Variants in C1QTNF3 observed in about 807,000 individuals in gnomAD.
C1QTNF3 encodes complement C1q tumor necrosis factor-related protein 3.
A neutral mutation model predicts 32.6 loss-of-function variants in C1QTNF3; 26 were observed. The observed-to-expected ratio is 0.80, with a 90% CI of 0.58 to 1.11. The LOEUF (loss-of-function observed/expected upper bound fraction) is 1.11. Among genes scored for constraint, C1QTNF3 ranks in the 50% least tolerant of loss-of-function variants. The pLI is 0.00. For synonymous variants in C1QTNF3, 155 were observed against 146.0 expected, an observed-to-expected ratio of 1.06 and a Z score of -0.44; for missense variants, 362 against 398.2, an observed-to-expected ratio of 0.91 and a Z score of 0.77.
the C1QTNF3 span, chr5:34,175,802 T>G: frequency 1.3e-6 from 1 of 746,044 alleles, no homozygotes; most frequent in African/African-American, 1.7e-5. Context: ...CATTATCCCA[T>G]GCGCTAAACT....
chr5:34,105,035 T>C, the C1QTNF3 span, among the ~76,000 whole-genome samples: 6 of 152,228 alleles, frequency 3.9e-5, no homozygotes, highest in Non-Finnish European at 2.9e-5. Context: ...TTTTTCCTAA[T>C]TACACTTTCT....
At chr5:34,195,626 G>A in the C1QTNF3 span, among the ~76,000 whole-genome samples, 9 of 152,216 alleles carry the variant, frequency 5.9e-5, no homozygotes, top group African/African-American at 4.8e-5. Context: ...TGGATCACGA[G>A]GTCAGGAGAT....
the C1QTNF3 span, among the ~76,000 whole-genome samples, chr5:34,170,724 GTGA>G: frequency 6.6e-6 from 1 of 152,026 alleles, no homozygotes; most frequent in Admixed American, 6.6e-5. Flanking sequence ...ATTTCCTACG[GTGA>G]TAACATCTCT....
At chr5:34,110,545 A>G in the C1QTNF3 span, among the ~76,000 whole-genome samples, 1 of 151,114 alleles carries the variant, frequency 6.6e-6, no homozygotes, top group African/African-American at 2.4e-5. Context: ...TAGCAACTAT[A>G]TATTACTTAA....
the C1QTNF3 span, among the ~76,000 whole-genome samples, chr5:34,164,164 C>T: frequency 6.6e-6 from 1 of 151,986 alleles, no homozygotes; most frequent in Non-Finnish European, 1.5e-5. Flanking sequence ...AGTGAGTTGG[C>T]AGGTGGTTAA....
chr5:34,031,691 C>A (rs533176124), intron 3 of C1QTNF3, among the ~76,000 whole-genome samples: 1 of 152,020 alleles, frequency 6.6e-6, no homozygotes, highest in Non-Finnish European at 1.5e-5. Flanking sequence ...AAAAATTAGC[C>A]GGGCATGGTG....
chr5:34,111,827 A>C, the C1QTNF3 span, among the ~76,000 whole-genome samples: 1 of 152,296 alleles, frequency 6.6e-6, no homozygotes, highest in African/African-American at 2.4e-5. Flanking sequence ...AAAGTAAAAA[A>C]CAAGGGAATT....
the C1QTNF3 span, among the ~76,000 whole-genome samples, chr5:34,216,967 A>G: frequency 2.6e-5 from 4 of 152,278 alleles, no homozygotes; most frequent in Middle Eastern, 3.4e-3. Context: ...ATAATCACAA[A>G]AATGTTCAGA....
the C1QTNF3 span, among the ~76,000 whole-genome samples, chr5:34,153,900 CTAGG>C: frequency 7.1e-6 from 1 of 141,046 alleles, no homozygotes; most frequent in African/African-American, 2.6e-5. Flanking sequence ...AGCAAACTAA[CTAGG>C]TGAGATTATA....
chr5:34,135,193 G>T, the C1QTNF3 span, among the ~76,000 whole-genome samples: 1 of 152,162 alleles, frequency 6.6e-6, no homozygotes, highest in Non-Finnish European at 1.5e-5. Flanking sequence ...TTTTGTCATT[G>T]GTTCTGTTTA....
At chr5:34,224,262 A>G in the C1QTNF3 span, among the ~76,000 whole-genome samples, 1 of 152,342 alleles carries the variant, frequency 6.6e-6, no homozygotes, top group East Asian at 1.9e-4. Flanking sequence ...ATCCCCATCA[A>G]GCTACCAATG....
chr5:34,165,795 C>T, the C1QTNF3 span: 1 of 150,472 alleles, frequency 6.6e-6, no homozygotes, highest in African/African-American at 2.4e-5. Flanking sequence ...TTTACATGAA[C>T]ACTCAGCTAT....
the C1QTNF3 span, among the ~76,000 whole-genome samples, chr5:34,241,866 T>C: frequency 7.4e-5 from 11 of 149,508 alleles, no homozygotes; most frequent in Non-Finnish European, 1.0e-4. Context: ...CATTCCAGCC[T>C]GGGTGAAAGG....
At chr5:34,042,485 G>A (rs1440308076) in intron 1 of C1QTNF3, among the ~76,000 whole-genome samples, 1 of 152,132 alleles carries the variant, frequency 6.6e-6, no homozygotes, top group Non-Finnish European at 1.5e-5. Flanking sequence ...CGATCTGTCT[G>A]CATGGGTCAG....
chr5:34,086,661 C>T, the C1QTNF3 span, among the ~76,000 whole-genome samples: 1 of 151,708 alleles, frequency 6.6e-6, no homozygotes, highest in African/African-American at 2.4e-5. Context: ...GCAATAACAC[C>T]ACAACAGCAA....
At chr5:34,186,396 T>G in the C1QTNF3 span, among the ~76,000 whole-genome samples, 1 of 152,290 alleles carries the variant, frequency 6.6e-6, no homozygotes, top group African/African-American at 2.4e-5. Flanking sequence ...TATTGACCTA[T>G]AGTTAACTGA....
At chr5:34,061,960 TA>T in the C1QTNF3 span, among the ~76,000 whole-genome samples, 2 of 152,234 alleles carry the variant, frequency 1.3e-5, no homozygotes, top group African/African-American at 2.4e-5. Context: ...TGTCAGGCTG[TA>T]AATTTTCCAA....
At chr5:34,188,932 C>A in the C1QTNF3 span, among the ~76,000 whole-genome samples, 1 of 151,734 alleles carries the variant, frequency 6.6e-6, no homozygotes, top group Admixed American at 6.6e-5. Flanking sequence ...AAGGGTGGGG[C>A]CAGGTGGAGA....
chr5:34,241,867 G>C, the C1QTNF3 span, among the ~76,000 whole-genome samples: 7 of 150,810 alleles, frequency 4.6e-5, no homozygotes, highest in South Asian at 1.5e-3. Flanking sequence ...ATTCCAGCCT[G>C]GGTGAAAGGG....
Sources: gnomAD v4.1 joint callset for allele counts (sites outside exome capture counted in the v4.1 genomes callset) on GRCh38, gnomAD v4.1.1 for gene constraint, MANE v1.5 for transcripts, NCBI Gene and HGNC (gene_info 2026-07-23, HGNC 2026-07-21) for gene names.